Variants in ZNF142 observed in about 807,000 individuals in gnomAD.
The protein encoded by ZNF142 is zinc finger protein 142, also known as zinc finger protein 142 (clone pHZ-49).
A neutral mutation model predicts 132.1 loss-of-function variants in ZNF142; 96 were observed. That is an observed-to-expected ratio of 0.73 (90% CI 0.62 to 0.86). The LOEUF is 0.86. Ranked by LOEUF, ZNF142 falls within the 40% of genes least tolerant of loss-of-function variation. The pLI is 0.00. For missense variants in ZNF142, 2,163 were observed against 2,336.2 expected (o/e 0.93, Z 1.53); for synonymous variants, 842 against 890.1 (o/e 0.95, Z 0.96).
chr2:218,655,016 G>A lies in ZNF142; in HGVS notation c.280+1134C>T, dbSNP rs373239074. The stretch of plus-strand genomic sequence containing the variant: ...AGGCAAGAGGATTGCTTAAGCCCAG[G>A]AGGTCAAGGCTGCAGTGAGCCGTAA... On this transcript the variant is annotated intron_variant, in intron 4 of 10. Transcript: ENST00000411696. 3.9e-5 allele frequency among the ~76,000 whole-genome samples: 6 copies of A among 152,262 alleles called. No individual in the cohort carries two copies. In the South Asian group the frequency reaches 1.0e-3, roughly 26 times the overall value.
Position 218,643,030 on chromosome 2 carries a change from G to A in ZNF142, c.4086C>T (p.Ala1362=). The part of the protein sequence containing the change: ...LHQKRRHPTA[A]PARGPRPHLQ... ...GATGGGGCCGGGGCCCACGGGCTGG[G>A]GCTGCAGTGGGGTGCCTCCGCTTCT... The change falls in exon 9 of 11, where the codon GCC becomes GCT. Residue 1362 remains alanine, a synonymous_variant. Coordinates refer to ENST00000411696, the MANE Select transcript of ZNF142 (RefSeq NM_001379659.1). 1 of 1,600,536 alleles carries A rather than the reference G, an allele frequency of 6.2e-7. No individual in the cohort carries two copies. The highest frequency in any genetic ancestry group is 1.1e-5 in the South Asian group (1 of 90,110).
At position 218,644,583 on chromosome 2, in the gene ZNF142, C is replaced by T. The variant is rs1220727869; in HGVS notation, c.2533G>A (p.Gly845Arg). 1.2e-6 allele frequency: 2 copies of T among 1,614,160 alleles called. No homozygotes were observed. Among genetic ancestry groups the T allele is most frequent in the Non-Finnish European group, 8.5e-7 (1 of 1,180,032 alleles). ...ARPEGPGHEP[G>R]TVVDPSLDQA... The stretch of plus-strand genomic sequence containing the variant: ...TCCAAGCTGGGGTCCACCACAGTCC[C>T]AGGTTCGTGACCTGGCCCCTCAGGT... The change falls in exon 9 of 11, where the codon GGG (glycine) becomes AGG (arginine). Residue 845 changes from glycine (G) to arginine (R), a missense_variant. Coordinates refer to ENST00000411696, the MANE Select transcript of ZNF142 (RefSeq NM_001379659.1). The surrounding 1 kb of genome is among the most constrained non-coding windows in gnomAD (Gnocchi z 4.6).
At position 218,634,525 on chromosome 2, in the gene ZNF142, C is replaced by G; in HGVS notation, c.*3814G>C. The G allele has an allele frequency of 6.2e-7, 1 of 1,614,040 alleles. No individual in the cohort carries two copies. The highest frequency in any genetic ancestry group is 2.2e-5 in the East Asian group (1 of 44,884). On this transcript the variant is annotated 3_prime_UTR_variant, in exon 11 of 11. Coordinates refer to ENST00000411696, the MANE Select transcript of ZNF142 (RefSeq NM_001379659.1). This position sits in a 1 kb window ranked among gnomAD's most constrained non-coding sequence, Gnocchi z 4.0. Reference sequence around the variant, plus strand: ...GTGATGGGCATTTCCGCCAGAATGGCGGCTGTGGCTATGTGCTGAAGCCAG... The same window carrying G: ...GTGATGGGCATTTCCGCCAGAATGGGGGCTGTGGCTATGTGCTGAAGCCAG...
In ZNF142 at chr2:218,642,142, A is replaced by T; in HGVS notation, c.4974T>A (p.Ala1658=). ...TCTTCTGTCGGTTCTTGGTGCTGTA[A>T]GCACAATCGGTGCACTTGTAGAGAC... ...GTRLYKCTDC[A]YSTKNRQKIT... is the part of the protein sequence containing the mutation. The change falls in exon 9 of 11, where the codon GCT becomes GCA. Residue 1658 remains alanine, a synonymous_variant. Transcript: ENST00000411696. This position sits in a 1 kb window ranked among gnomAD's most constrained non-coding sequence, Gnocchi z 4.6. 6.2e-7 allele frequency: 1 copy of T among 1,614,154 alleles called. No individual in the cohort carries two copies. The highest frequency in any genetic ancestry group is 2.2e-5 in the East Asian group (1 of 44,874).
intron 4 of ZNF142, among the ~76,000 whole-genome samples, chr2:218,655,524 G>C (rs1298012708): frequency 6.6e-6 from 1 of 152,034 alleles, no homozygotes; most frequent in East Asian, 1.9e-4. Flanking sequence ...TATTGCCCAG[G>C]CTGGAGTGCA....
At chr2:218,652,655 T>C (rs1938117395) in intron 4 of ZNF142, among the ~76,000 whole-genome samples, 1 of 152,158 alleles carries the variant, frequency 6.6e-6, no homozygotes, top group African/African-American at 2.4e-5. Flanking sequence ...ATCTGCAATA[T>C]AAATGGTTAA....
In ZNF142 at chr2:218,643,785, C is replaced by G. The variant is rs1415383816; in HGVS notation, c.3331G>C (p.Val1111Leu). 1 of 1,611,068 alleles carries G rather than the reference C, an allele frequency of 6.2e-7. No homozygotes were observed. Among genetic ancestry groups the G allele is most frequent in the Non-Finnish European group, 8.5e-7 (1 of 1,178,480 alleles). The change falls in exon 9 of 11, where the codon GTG becomes CTG. Residue 1111 changes from valine (V) to leucine (L), a missense_variant. This residue lies in a region of ZNF142 where 809 missense variants were observed against 801.7 expected (regional missense o/e 1.01). Transcript: ENST00000411696. ...RPDSPIPLQP[V>L]LPGTQASEDT... The stretch of plus-strand genomic sequence containing the variant: ...TCTGAGGCCTGGGTACCTGGGAGCA[C>G]AGGTTGCAGAGGGATGGGTGAATCT...
chr2:218,655,980 C>T (rs149670840), intron 4 of ZNF142, among the ~76,000 whole-genome samples, 170 bp downstream of exon 4: 1 of 152,320 alleles, frequency 6.6e-6, no homozygotes, highest in African/African-American at 2.4e-5. Context: ...TGCACCACTT[C>T]GCCAGCCTTC....
chr2:218,648,707 G>A lies in ZNF142; in HGVS notation c.1801C>T (p.His601Tyr). 1 of 1,614,192 alleles carries A rather than the reference G, an allele frequency of 6.2e-7. No homozygotes were observed. The highest frequency in any genetic ancestry group is 8.5e-7 in the Non-Finnish European group (1 of 1,180,036). The change falls in exon 7 of 11, where the codon CAC becomes TAC. Residue 601 changes from histidine (H) to tyrosine (Y), a missense_variant. Coordinates refer to ENST00000411696, the MANE Select transcript of ZNF142 (RefSeq NM_001379659.1). ...VGKMHAHEKI[H>Y]QCPECNFATA... ...GCAAAGTTGCACTCAGGACACTGGTGGATCTTTTCATGAGCATGCATCTTG... is the reference window on the plus strand; with the variant it reads ...GCAAAGTTGCACTCAGGACACTGGTAGATCTTTTCATGAGCATGCATCTTG...
Position 218,642,693 on chromosome 2 carries a change from G to A in ZNF142, c.4423C>T (p.His1475Tyr), listed in dbSNP as rs1379485162. The change falls in exon 9 of 11, where the codon CAT becomes TAT. Residue 1475 changes from histidine to tyrosine, a missense_variant. Physicochemically the swap from His to Tyr is moderately conservative, Grantham distance 83. This residue lies in a region of ZNF142 where 809 missense variants were observed against 801.7 expected (regional missense o/e 1.01). Transcript: ENST00000411696. The surrounding 1 kb of genome is among the most constrained non-coding windows in gnomAD (Gnocchi z 4.6). ...GTGCCTTGGTGGCAGCTGTTGACATGACGAGTGATGTCATGGCGAAGGTAG... is the reference window on the plus strand; with the variant it reads ...GTGCCTTGGTGGCAGCTGTTGACATAACGAGTGATGTCATGGCGAAGGTAG... ...SGYLRHDITR[H>Y]VNSCHQGTPA... 1.9e-6 allele frequency: 3 copies of A among 1,614,098 alleles called. No individual in the cohort carries two copies. Among genetic ancestry groups the A allele is most frequent in the South Asian group, 1.1e-5 (1 of 91,090 alleles).
rs1696832486 is a variant in ZNF142, at chr2:218,637,564, T to C, written c.*775A>G. On this transcript the variant is annotated 3_prime_UTR_variant, in exon 11 of 11. Transcript: ENST00000411696. ...CTGAATTGGAGATTTTCCTCTCTAG[T>C]CATCTGCCTTTCCATAGTATCCTTG... Among the ~76,000 whole-genome samples the C allele has an allele frequency of 6.6e-6, 1 of 152,260 alleles. No homozygotes were observed. The highest frequency in any genetic ancestry group is 6.5e-5 in the Admixed American group (1 of 15,276).
intron 4 of ZNF142, among the ~76,000 whole-genome samples, chr2:218,653,616 CATAAGTATACA>C: frequency 6.6e-6 from 1 of 151,662 alleles, no homozygotes; most frequent in Non-Finnish European, 1.5e-5. Context: ...TAAAATGATA[CATAAGTATACA>C]AAGGAAGAAT....
chr2:218,651,674 G>A, intron 5 of ZNF142, 27 bp downstream of exon 5: 1 of 1,251,134 alleles, frequency 8.0e-7, no homozygotes, highest in Non-Finnish European at 1.0e-6. Context: ...CTCCAGGAGA[G>A]GAACTGCTTG....
rs61733613 is a variant in ZNF142 at position 218,642,943 on chromosome 2, C to T, written c.4173G>A (p.Arg1391=). Residue 1391 remains arginine, a synonymous_variant, in exon 9 of 11, where the codon CGG becomes CGA. Coordinates refer to ENST00000411696, the MANE Select transcript of ZNF142 (RefSeq NM_001379659.1). This position sits in a 1 kb window ranked among gnomAD's most constrained non-coding sequence, Gnocchi z 4.6. ...KQSRCMQQHR[R]LKHEGVKPHQ... is the part of the protein sequence containing the mutation. The stretch of plus-strand genomic sequence containing the variant: ...GGGGCTTCACCCCCTCGTGCTTGAG[C>T]CGCCGGTGCTGCTGCATGCAACGGC... 2.3e-3 allele frequency: 3,659 copies of T among 1,613,642 alleles called. 83 individuals are homozygous for T. The African/African-American group carries it at 0.043, about 19-fold the overall frequency.
intron 5 of ZNF142, among the ~76,000 whole-genome samples, chr2:218,651,085 CAA>C (rs767916613): frequency 3.7e-4 from 56 of 151,440 alleles, no homozygotes; most frequent in Admixed American, 1.8e-3. Context: ...CTCCTGAGCT[CAA>C]GTGATCCCCC....
rs1023817204 is a variant in ZNF142 at position 218,636,713 on chromosome 2, A to G, written c.*1626T>C. On this transcript the variant is annotated 3_prime_UTR_variant, in exon 11 of 11. Transcript: ENST00000411696. ...GCATTCCTAGGCACAAAATTACCTC[A>G]TTCTTCCTAACAAGCAATCTGGGAC... 5.8e-5 allele frequency: 53 copies of G among 919,882 alleles called. No homozygotes were observed. The East Asian group carries it at 1.0e-3, about 18-fold the overall frequency. The allele number at this position is 919,882 out of a possible 1,614,324, so 57.0% of individuals were successfully genotyped here. A position where few individuals can be genotyped will look rare whatever the true frequency, so the allele number is the denominator to read the frequency against.
chr2:218,651,504 G>T (rs1375753447), intron 5 of ZNF142, among the ~76,000 whole-genome samples, 197 bp downstream of exon 5: 1 of 152,216 alleles, frequency 6.6e-6, no homozygotes, highest in East Asian at 1.9e-4. Flanking sequence ...CACAAACAAA[G>T]ACTTCCTCTT....
At chr2:218,648,261 G>A (rs1276925468) in intron 7 of ZNF142, among the ~76,000 whole-genome samples, 7 of 152,224 alleles carry the variant, frequency 4.6e-5, no homozygotes, top group African/African-American at 4.8e-5. Context: ...CCCCTCGCCC[G>A]TCTCTCTTAG....
rs368495490 is a variant in ZNF142, at chr2:218,642,882, G to A, written c.4234C>T (p.Arg1412Trp). 100 of 1,614,002 alleles carry A rather than the reference G, an allele frequency of 6.2e-5. 1 individual carries two copies. Among genetic ancestry groups the A allele is most frequent in the Non-Finnish European group, 7.6e-5 (90 of 1,180,052 alleles). Residue 1412 changes from arginine to tryptophan, a missense_variant, in exon 9 of 11, where the codon CGG (arginine) becomes TGG (tryptophan). Around this residue, in one of 7 missense-constraint regions of ZNF142, gnomAD observed 809 missense variants for 801.7 expected, o/e 1.01. Coordinates refer to ENST00000411696, the MANE Select transcript of ZNF142 (RefSeq NM_001379659.1). The surrounding 1 kb of genome is among the most constrained non-coding windows in gnomAD (Gnocchi z 4.6). ...GACTGGTGAGCCTCTAACCGGTACC[G>A]TCTGGTGGTCGAAAAGTCACAGAAG... ...CPFCDFSTTR[R>W]YRLEAHQSRH... is the part of the protein sequence containing the mutation.
Sources: allele counts gnomAD v4.1 joint callset (sites outside exome capture counted in the v4.1 genomes callset), GRCh38; gene constraint gnomAD v4.1.1; regional missense constraint gnomAD v4.1.1; non-coding constraint Gnocchi (gnomAD v3.1); transcripts MANE v1.5; gene names NCBI Gene and HGNC (gene_info 2026-07-23, HGNC 2026-07-21).